The following PM20D2 variants were observed in gnomAD, a reference collection of about 807,000 sequenced individuals.
PM20D2 encodes peptidase M20 domain containing 2, also known as xaa-Arg dipeptidase.
Under a neutral mutation model 42.9 loss-of-function variants are expected in PM20D2, and 33 were observed. The ratio of observed to expected loss-of-function variants is 0.77; its 90% CI spans 0.58 to 1.03. The LOEUF is 1.03. Among genes scored for constraint, PM20D2 ranks in the 50% least tolerant of loss-of-function variants. The pLI, the probability that PM20D2 is intolerant of heterozygous loss-of-function variation, is 0.00. For synonymous variants in PM20D2, 250 were observed against 228.2 expected, an observed-to-expected ratio of 1.10 and a Z score of -0.86; for missense variants, 548 against 557.0, an observed-to-expected ratio of 0.98 and a Z score of 0.16.
chr6:89,105,303 G>A, the PM20D2 span: 2 of 1,581,216 alleles, frequency 1.3e-6, no homozygotes, highest in Non-Finnish European at 1.7e-6. Flanking sequence ...TTCGTTACCT[G>A]AACACCACAG....
chr6:89,101,591 G>A, the PM20D2 span, among the ~76,000 whole-genome samples: 31 of 151,978 alleles, frequency 2.0e-4, no homozygotes, highest in African/African-American at 6.3e-4. Flanking sequence ...GTGTGGTGGC[G>A]GGAGGCTGAG....
the PM20D2 span, among the ~76,000 whole-genome samples, chr6:89,123,991 C>G: frequency 1.3e-5 from 2 of 151,976 alleles, no homozygotes; most frequent in African/African-American, 4.8e-5. Flanking sequence ...GAGCTGTGTT[C>G]GTGCCACTGC....
the PM20D2 span, among the ~76,000 whole-genome samples, chr6:89,137,528 T>C: frequency 2.0e-5 from 3 of 152,226 alleles, no homozygotes; most frequent in African/African-American, 7.2e-5. Context: ...TGATCTTGCA[T>C]GAAAATTATT....
the PM20D2 span, among the ~76,000 whole-genome samples, chr6:89,129,099 A>T: frequency 6.6e-6 from 1 of 152,192 alleles, no homozygotes; most frequent in Non-Finnish European, 1.5e-5. Context: ...GTGGCCTCTC[A>T]TTCTGTGGCC....
chr6:89,127,846 G>A, the PM20D2 span, among the ~76,000 whole-genome samples: 1 of 152,190 alleles, frequency 6.6e-6, no homozygotes, highest in Non-Finnish European at 1.5e-5. Flanking sequence ...CGCAGCAGAG[G>A]AACATAAATT....
At chr6:89,143,472 AAG>A (rs1302598410), upstream of PM20D2, among the ~76,000 whole-genome samples, 9 of 152,182 alleles carry the variant, frequency 5.9e-5, no homozygotes, top group Non-Finnish European at 1.0e-4. Flanking sequence ...GGAGCCAAGA[AAG>A]AACATTTATA....
the PM20D2 span, chr6:89,105,553 T>G: frequency 1.3e-6 from 2 of 1,513,118 alleles, no homozygotes; most frequent in South Asian, 2.5e-5. Flanking sequence ...TAAGGACACT[T>G]TGAACATGAG....
chr6:89,161,412 G>A (rs1771230012), intron 5 of PM20D2, among the ~76,000 whole-genome samples: 2 of 152,182 alleles, frequency 1.3e-5, no homozygotes, highest in South Asian at 4.1e-4. Flanking sequence ...CAGGTAGAGG[G>A]GGCTCTATCC....
At chr6:89,117,949 T>C in the PM20D2 span, 5 of 1,488,166 alleles carry the variant, frequency 3.4e-6, no homozygotes, top group Admixed American at 6.5e-5. Flanking sequence ...CGTCTCCCGC[T>C]ACCGCTGCTA....
chr6:89,158,024 T>G (rs565140859), intron 4 of PM20D2, among the ~76,000 whole-genome samples: 163 of 151,996 alleles, frequency 1.1e-3, no homozygotes, highest in Admixed American at 4.1e-3. Flanking sequence ...AAATAAAAAT[T>G]TCTGGGCCCT....
the PM20D2 span, among the ~76,000 whole-genome samples, chr6:89,137,643 G>A: frequency 3.3e-5 from 5 of 152,138 alleles, no homozygotes. Context: ...CCTTCACTGT[G>A]TAATGCCTGG....
the PM20D2 span, among the ~76,000 whole-genome samples, chr6:89,114,674 T>G: frequency 1.3e-3 from 195 of 152,298 alleles, no homozygotes; most frequent in Admixed American, 2.1e-3. Flanking sequence ...AATCACTCAC[T>G]GGTGAATGAA....
At chr6:89,100,022 A>G in the PM20D2 span, among the ~76,000 whole-genome samples, 3 of 152,294 alleles carry the variant, frequency 2.0e-5, no homozygotes, top group South Asian at 6.2e-4. Context: ...GACTAAGCTG[A>G]AGAGAGAAAA....
the PM20D2 span, chr6:89,097,362 C>T: frequency 2.0e-5 from 3 of 152,196 alleles, no homozygotes; most frequent in Non-Finnish European, 4.4e-5. Flanking sequence ...AAAACATAAA[C>T]TACAACACAT....
the PM20D2 span, among the ~76,000 whole-genome samples, chr6:89,130,724 T>C: frequency 6.6e-6 from 1 of 150,794 alleles, no homozygotes; most frequent in Non-Finnish European, 1.5e-5. Flanking sequence ...CCTCCCAAAG[T>C]GTTAGGATTA....
At chr6:89,152,896 C>T (rs1325008158) in intron 2 of PM20D2, 147 bp from the exon 3 acceptor site, 6 of 555,486 alleles carry the variant, frequency 1.1e-5, no homozygotes, top group Non-Finnish European at 1.5e-5. Context: ...AAATAAATTG[C>T]AGTGTTATTA....
the PM20D2 span, chr6:89,118,035 A>G: frequency 2.9e-6 from 2 of 678,660 alleles, no homozygotes; most frequent in Middle Eastern, 4.8e-4. Flanking sequence ...GCAGCCGCAG[A>G]GGCCGGCGCA....
the PM20D2 span, among the ~76,000 whole-genome samples, chr6:89,122,549 CTGAT>C: frequency 4.6e-5 from 7 of 152,136 alleles, no homozygotes; most frequent in African/African-American, 1.7e-4. Flanking sequence ...TAGTAAAAGA[CTGAT>C]TAATATTTTA....
chr6:89,156,937 T>C (rs1188849662), intron 4 of PM20D2, among the ~76,000 whole-genome samples: 1 of 152,176 alleles, frequency 6.6e-6, no homozygotes, highest in Non-Finnish European at 1.5e-5. Context: ...AAAAACTAAA[T>C]ATTTATTCCC....
Sources: allele counts gnomAD v4.1 joint callset (sites outside exome capture counted in the v4.1 genomes callset), GRCh38; gene constraint gnomAD v4.1.1; transcripts MANE v1.5; gene names NCBI Gene and HGNC (gene_info 2026-07-23, HGNC 2026-07-21).